The following PTPRM variants were observed in gnomAD, a reference collection of about 807,000 sequenced individuals.
PTPRM encodes the protein protein tyrosine phosphatase receptor type M.
PTPRM carries 47 observed loss-of-function variants against 186.7 expected under a neutral mutation model. The ratio of observed to expected loss-of-function variants is 0.25; its 90% confidence interval spans 0.20 to 0.32. The LOEUF is 0.32. PTPRM is among the 10% of genes least tolerant of loss of function. PTPRM has a pLI of 1.00. For missense variants in PTPRM, 1,494 were observed against 1,865.0 expected (o/e 0.80, Z 3.66); for synonymous variants, 668 against 674.9 (o/e 0.99, Z 0.16).
chr18:8,312,438 G>A (rs918711633), intron 20 of PTPRM, among the ~76,000 whole-genome samples: 10 of 152,146 alleles, frequency 6.6e-5, no homozygotes, highest in African/African-American at 2.4e-4. Context: ...TCCTGGGGTT[G>A]CTGTTATCTG....
At chr18:8,326,678 T>A (rs2095379086) in intron 22 of PTPRM, among the ~76,000 whole-genome samples, 1 of 152,086 alleles carries the variant, frequency 6.6e-6, no homozygotes, top group South Asian at 2.1e-4. Context: ...AAACAAGCAA[T>A]GGGGAAAGGA....
intron 19 of PTPRM, among the ~76,000 whole-genome samples, chr18:8,287,577 A>C (rs1164366335): frequency 6.6e-6 from 1 of 152,220 alleles, no homozygotes; most frequent in Non-Finnish European, 1.5e-5. Context: ...GAATTTCCAC[A>C]AAAACATCCA....
At chr18:7,622,152 A>G (rs1430797684) in intron 1 of PTPRM, among the ~76,000 whole-genome samples, 3 of 152,218 alleles carry the variant, frequency 2.0e-5, no homozygotes, top group Admixed American at 1.3e-4. Flanking sequence ...GATTTTGACC[A>G]TTCTAATAGA....
chr18:7,991,582 T>G (rs1160612055), intron 7 of PTPRM, among the ~76,000 whole-genome samples: 1 of 152,196 alleles, frequency 6.6e-6, no homozygotes, highest in African/African-American at 2.4e-5. Context: ...ATAATTTTCC[T>G]GAATGAAAGG....
At chr18:8,214,180 G>A in intron 14 of PTPRM, among the ~76,000 whole-genome samples, 1 of 152,136 alleles carries the variant, frequency 6.6e-6, no homozygotes, top group Non-Finnish European at 1.5e-5. Context: ...TTGGTGGCAG[G>A]TGCACTAATA....
At chr18:8,331,324 C>T (rs2095411121) in intron 22 of PTPRM, among the ~76,000 whole-genome samples, 1 of 152,170 alleles carries the variant, frequency 6.6e-6, no homozygotes, top group South Asian at 2.1e-4. Context: ...TGGTTTTACC[C>T]ATAGATATCT....
intron 21 of PTPRM, among the ~76,000 whole-genome samples, chr18:8,318,928 G>T (rs1008945728): frequency 2.6e-5 from 4 of 152,164 alleles, no homozygotes; most frequent in African/African-American, 9.7e-5. Context: ...AGTGTTTCTT[G>T]CTCATCCATC....
chr18:7,709,585 CA>C (rs2040168973), intron 1 of PTPRM, among the ~76,000 whole-genome samples: 1 of 151,206 alleles, frequency 6.6e-6, no homozygotes, highest in Middle Eastern at 3.4e-3. Flanking sequence ...AAATTGAAAC[CA>C]AAAAAATACA....
At chr18:7,711,173 C>T (rs2040204475) in intron 1 of PTPRM, among the ~76,000 whole-genome samples, 1 of 152,072 alleles carries the variant, frequency 6.6e-6, no homozygotes. Flanking sequence ...GGGTGCAGCC[C>T]CTGGAGGGCA....
chr18:7,640,904 C>A (rs1335800884), intron 1 of PTPRM, among the ~76,000 whole-genome samples: 2 of 152,026 alleles, frequency 1.3e-5, no homozygotes, highest in Non-Finnish European at 2.9e-5. Flanking sequence ...GCCAATAGAG[C>A]CTTTGGCTAC....
chr18:7,607,311 T>G (rs1444051985), intron 1 of PTPRM, among the ~76,000 whole-genome samples: 1 of 152,208 alleles, frequency 6.6e-6, no homozygotes, highest in Non-Finnish European at 1.5e-5. Flanking sequence ...TGCTGGTTCT[T>G]TTCTTCACTC....
At chr18:7,797,177 T>A (rs530336013) in intron 2 of PTPRM, among the ~76,000 whole-genome samples, 1 of 152,320 alleles carries the variant, frequency 6.6e-6, no homozygotes, top group South Asian at 2.1e-4. Context: ...TCAGTGCACA[T>A]GGCCTCATCT....
chr18:7,947,329 A>C (rs1322878596), intron 5 of PTPRM, among the ~76,000 whole-genome samples: 1 of 152,074 alleles, frequency 6.6e-6, no homozygotes. Flanking sequence ...AGGCTCTATG[A>C]AGGTTAACCA....
chr18:8,024,714 T>C (rs2085459795), intron 7 of PTPRM, among the ~76,000 whole-genome samples: 1 of 131,556 alleles, frequency 7.6e-6, no homozygotes, highest in African/African-American at 3.0e-5. Context: ...GTCAGGGTCT[T>C]GCTTTGTCAC....
At chr18:8,031,517 T>A (rs1014002754) in intron 7 of PTPRM, among the ~76,000 whole-genome samples, 3 of 152,144 alleles carry the variant, frequency 2.0e-5, no homozygotes, top group African/African-American at 7.2e-5. Flanking sequence ...GAAAGCTAGT[T>A]CTGCAAAAAA....
chr18:8,189,258 C>T (rs1242392900), intron 14 of PTPRM, among the ~76,000 whole-genome samples: 1 of 146,832 alleles, frequency 6.8e-6, no homozygotes, highest in Non-Finnish European at 1.5e-5. Context: ...CACCACTGTA[C>T]TCCAATCTGG....
chr18:7,648,057 A>C (rs1342219379), intron 1 of PTPRM, among the ~76,000 whole-genome samples: 1 of 152,162 alleles, frequency 6.6e-6, no homozygotes, highest in East Asian at 1.9e-4. Context: ...GCATATTTGG[A>C]AAATAGGCCC....
At chr18:8,175,512 A>G (rs56961106) in intron 14 of PTPRM, among the ~76,000 whole-genome samples, 20,461 of 152,218 alleles carry the variant, frequency 0.13, 1,457 homozygotes, top group Non-Finnish European at 0.15. Flanking sequence ...TAATATGTCA[A>G]TGCTATAATA....
At chr18:7,743,806 A>G (rs893811066) in intron 1 of PTPRM, among the ~76,000 whole-genome samples, 2 of 152,218 alleles carry the variant, frequency 1.3e-5, no homozygotes, top group African/African-American at 4.8e-5. Flanking sequence ...GATTAAGAAT[A>G]TAGGAGTTAT....
Sources: allele counts gnomAD v4.1 joint callset (sites outside exome capture counted in the v4.1 genomes callset), GRCh38; gene constraint gnomAD v4.1.1; transcripts MANE v1.5; gene names NCBI Gene and HGNC (gene_info 2026-07-23, HGNC 2026-07-21).